Variants in ZFYVE1 observed in about 807,000 individuals in gnomAD.
ZFYVE1 encodes the protein zinc finger FYVE-type containing 1.
In ZFYVE1, 30 loss-of-function variants were observed where a neutral mutation model predicts 74.4. That is an observed-to-expected ratio of 0.40 (90% CI 0.30 to 0.55). The LOEUF (loss-of-function observed/expected upper bound fraction) is 0.55. Ranked by LOEUF, ZFYVE1 falls within the 20% of genes least tolerant of loss-of-function variation. The pLI, the probability that ZFYVE1 is intolerant of heterozygous loss-of-function variation, is 0.42. For synonymous variants in ZFYVE1, 335 were observed against 385.1 expected, an observed-to-expected ratio of 0.87 and a Z score of 1.52; for missense variants, 703 against 1,011.6, an observed-to-expected ratio of 0.69 and a Z score of 4.14.
chr14:73,009,136 G>A (rs926355229), intron 2 of ZFYVE1, among the ~76,000 whole-genome samples: 5 of 152,162 alleles, frequency 3.3e-5, no homozygotes, highest in South Asian at 4.1e-4. Context: ...ATGTCTAGAC[G>A]CTATATCCTC....
At position 72,970,538 on chromosome 14, in the gene ZFYVE1, G is replaced by C; in HGVS notation, c.*344C>G. ...TCACCCTGTGCGGAGGAGACTGTGC[G>C]AAGTCTTCACAGCCAGCAGCAGCCT... On this transcript the variant is annotated 3_prime_UTR_variant, in exon 12 of 12. Transcript: ENST00000556143. 1 of 286,908 alleles carries C rather than the reference G, an allele frequency of 3.5e-6. No individual in the cohort carries two copies. The highest frequency in any genetic ancestry group is 4.2e-5 in the South Asian group (1 of 23,986). The allele number at this position is 286,908 out of a possible 1,614,324, so 17.8% of individuals were successfully genotyped here. A position where few individuals can be genotyped will look rare whatever the true frequency, so the allele number is the denominator to read the frequency against.
intron 1 of ZFYVE1, among the ~76,000 whole-genome samples, chr14:73,025,827 T>A (rs1443123383): frequency 6.6e-6 from 1 of 152,132 alleles, no homozygotes. Flanking sequence ...TTTCTGTTCA[T>A]TCAGATATTA....
chr14:73,015,228 TGAAG>T (rs1175732970), intron 2 of ZFYVE1, among the ~76,000 whole-genome samples: 851 of 28,536 alleles, frequency 0.03, 50 homozygotes, highest in Admixed American at 0.048. Context: ...AGACTCCATC[TGAAG>T]GAAGGAAGGA....
rs1194055928 is a variant in ZFYVE1 at position 72,993,752 on chromosome 14, G to A, written c.989-395C>T. Among the ~76,000 whole-genome samples, 6 of 151,714 alleles carry A rather than the reference G, an allele frequency of 4.0e-5. No individual in the cohort carries two copies. The East Asian group carries it at 5.8e-4, about 15-fold the overall frequency. On this transcript the variant is annotated intron_variant, in intron 3 of 11. Coordinates refer to ENST00000556143, the MANE Select transcript of ZFYVE1 (RefSeq NM_021260.4). ...AAAAGTAAGATACGAGGCTGGGTGC[G>A]GTGGCTCACACCTGTAATCCCAGCA...
intron 4 of ZFYVE1, among the ~76,000 whole-genome samples, chr14:72,991,245 A>C (rs1893604813): frequency 7.4e-6 from 1 of 134,654 alleles, no homozygotes; most frequent in Non-Finnish European, 1.5e-5. Flanking sequence ...GCTGGAGTGC[A>C]GTGGCGCCAT....
chr14:73,021,511 G>T (rs1488471292), intron 2 of ZFYVE1, among the ~76,000 whole-genome samples: 1 of 152,180 alleles, frequency 6.6e-6, no homozygotes, highest in Non-Finnish European at 1.5e-5. Context: ...CAATCTAGCT[G>T]AATTTATAAC....
chr14:73,004,843 C>T (rs1288079017), intron 2 of ZFYVE1, among the ~76,000 whole-genome samples: 1 of 151,944 alleles, frequency 6.6e-6, no homozygotes, highest in Non-Finnish European at 1.5e-5. Flanking sequence ...ACTAAAAATA[C>T]AAAAAATTGG....
intron 2 of ZFYVE1, among the ~76,000 whole-genome samples, chr14:73,018,630 T>C (rs1314126450): frequency 1.3e-5 from 2 of 151,844 alleles, no homozygotes; most frequent in African/African-American, 4.8e-5. Context: ...TTATTAACCA[T>C]GTATCCCCAG....
intron 2 of ZFYVE1, among the ~76,000 whole-genome samples, chr14:73,002,917 A>AT (rs1893903523): frequency 1.4e-5 from 2 of 143,380 alleles, no homozygotes; most frequent in Admixed American, 7.0e-5. Context: ...AATTTTTTGT[A>AT]TTTTTTAGTA....
chr14:73,016,028 C>T (rs1894195114), intron 2 of ZFYVE1, among the ~76,000 whole-genome samples: 1 of 152,182 alleles, frequency 6.6e-6, no homozygotes, highest in Admixed American at 6.5e-5. Flanking sequence ...CATTCTAATA[C>T]AACAAGATGT....
intron 4 of ZFYVE1, chr14:72,987,047 T>C (rs1397597370): frequency 1.2e-6 from 1 of 803,114 alleles, no homozygotes; most frequent in Admixed American, 6.2e-5. Context: ...GATCTTGAAC[T>C]TTAGTTGCCT....
chr14:73,020,446 G>A (rs559982551), intron 2 of ZFYVE1, among the ~76,000 whole-genome samples: 114 of 152,060 alleles, frequency 7.5e-4, no homozygotes, highest in Middle Eastern at 6.8e-3. Flanking sequence ...TCCACTTCCC[G>A]GGTTCATGCG....
intron 2 of ZFYVE1, among the ~76,000 whole-genome samples, chr14:73,016,574 C>T (rs12882235): frequency 0.28 from 42,349 of 151,442 alleles, 6,736 homozygotes; most frequent in Middle Eastern, 0.4. Context: ...ACAGTTCCAC[C>T]GAGGCCTAGA....
chr14:72,986,895 A>C, intron 4 of ZFYVE1: 1 of 985,290 alleles, frequency 1.0e-6, no homozygotes, highest in South Asian at 4.7e-5. Context: ...TCCAAACCTC[A>C]CATCATTCCA....
chr14:73,011,350 G>A (rs1234237747), intron 2 of ZFYVE1, among the ~76,000 whole-genome samples: 2 of 151,830 alleles, frequency 1.3e-5, no homozygotes, highest in African/African-American at 4.8e-5. Flanking sequence ...AACCGGGAGT[G>A]GTGGCACATG....
chr14:72,981,385 A>G (rs1893326563), intron 5 of ZFYVE1, among the ~76,000 whole-genome samples: 1 of 152,198 alleles, frequency 6.6e-6, no homozygotes, highest in Non-Finnish European at 1.5e-5. Flanking sequence ...AGTGTTTTGC[A>G]CAGGGGGGGC....
intron 4 of ZFYVE1, among the ~76,000 whole-genome samples, chr14:72,984,725 T>G (rs1893433642): frequency 6.6e-6 from 1 of 152,198 alleles, no homozygotes; most frequent in Admixed American, 6.5e-5. Flanking sequence ...CCTCTTCCAA[T>G]GAAGCCTCTC....
intron 2 of ZFYVE1, among the ~76,000 whole-genome samples, chr14:73,015,401 GAA>G (rs1567363110): frequency 3.8e-4 from 2 of 5,268 alleles, no homozygotes; most frequent in East Asian, 9.4e-3. Context: ...AGAGGGGAAG[GAA>G]GGGGGGGGAA....
chr14:72,996,166 A>G (rs2535919), intron 3 of ZFYVE1, among the ~76,000 whole-genome samples: 150,820 of 152,146 alleles, frequency 0.99, 74,767 homozygotes, highest in Middle Eastern at 1. Flanking sequence ...GGGGTAACTA[A>G]AGGAGGTCAG....
Sources: gnomAD v4.1 joint callset for allele counts (sites outside exome capture counted in the v4.1 genomes callset) on GRCh38, gnomAD v4.1.1 for gene constraint, MANE v1.5 for transcripts, NCBI Gene and HGNC (gene_info 2026-07-23, HGNC 2026-07-21) for gene names.